The following PDCD11 variants were observed in gnomAD, a reference collection of about 807,000 sequenced individuals.
PDCD11 encodes protein RRP5 homolog.
PDCD11 carries 97 observed loss-of-function variants against 198.9 expected under a neutral mutation model. That is an observed-to-expected ratio of 0.49 (90% CI 0.41 to 0.58). The LOEUF is 0.58. Ranked by LOEUF, PDCD11 falls within the 20% of genes least tolerant of loss-of-function variation. PDCD11 has a pLI of 0.00. For missense variants in PDCD11, 2,102 were observed against 2,312.7 expected, an observed-to-expected ratio of 0.91 and a Z score of 1.87; for synonymous variants, 893 against 918.0, an observed-to-expected ratio of 0.97 and a Z score of 0.49.
At chr10:103,425,609 A>G (rs2031662052) in intron 20 of PDCD11, 84 bp downstream of exon 20, 5 of 1,184,248 alleles carry the variant, frequency 4.2e-6, no homozygotes, top group Non-Finnish European at 6.0e-6. Context: ...GGCTCCAAAA[A>G]GTTGCATGTA....
At chr10:103,402,051 A>G (rs1001130284) in intron 3 of PDCD11, among the ~76,000 whole-genome samples, 1 of 152,186 alleles carries the variant, frequency 6.6e-6, no homozygotes, top group African/African-American at 2.4e-5. Context: ...TGAAAACTAA[A>G]AATTTTTTTA....
At chr10:103,397,702 G>A (rs970805028) in intron 1 of PDCD11, among the ~76,000 whole-genome samples, 4 of 152,212 alleles carry the variant, frequency 2.6e-5, no homozygotes, top group African/African-American at 9.6e-5. Context: ...CCGAAGTGCT[G>A]GCATTACAGG....
chr10:103,414,030 A>T lies in PDCD11; in HGVS notation c.1250A>T (p.His417Leu). The change falls in exon 10 of 36, where the codon CAC becomes CTC. Residue 417 changes from histidine to leucine, a missense_variant. Physicochemically the swap from His to Leu is moderately conservative, Grantham distance 99 (BLOSUM62 -3). Transcript: ENST00000369797. ...NPEAFKPGNT[H>L]KCRIIDYSQM... ...GAGGCCTTCAAGCCAGGGAACACTC[A>T]CAAGTGTAGAATTATTGACTACAGC... The T allele has an allele frequency of 6.2e-7, 1 of 1,613,450 alleles. No homozygotes were observed. Among genetic ancestry groups the T allele is most frequent in the Non-Finnish European group, 8.5e-7 (1 of 1,179,666 alleles).
Position 103,416,520 on chromosome 10 carries a change from G to A in PDCD11, c.1548G>A (p.Lys516=). The stretch of plus-strand genomic sequence containing the variant: ...TGCTTTGTGACCCTGAAGCCAAGAA[G>A]CTGATGATGACCCTGAAAAAAACCC... The part of the protein sequence containing the change: ...RVLLCDPEAK[K]LMMTLKKTLI... Residue 516 remains lysine, a synonymous_variant, in exon 13 of 36, where the codon AAG becomes AAA. Coordinates refer to ENST00000369797, the MANE Select transcript of PDCD11 (RefSeq NM_014976.2). 2 of 1,614,122 alleles carry A rather than the reference G, an allele frequency of 1.2e-6. No homozygotes were observed. Among genetic ancestry groups the A allele is most frequent in the Non-Finnish European group, 1.7e-6 (2 of 1,180,020 alleles).
rs745331716 is a variant in PDCD11 at position 103,418,593 on chromosome 10, C to T, written c.2065C>T (p.Leu689Phe). 1.2e-6 allele frequency: 2 copies of T among 1,614,080 alleles called. No individual in the cohort carries two copies. The highest frequency in any genetic ancestry group is 2.7e-5 in the African/African-American group (2 of 74,916). Residue 689 changes from leucine (L) to phenylalanine (F), a missense_variant, in exon 15 of 36, where the codon CTT becomes TTT. Leu to Phe is a conservative substitution (Grantham distance 22, BLOSUM62 0). Transcript: ENST00000369797. ...LHHWLQAGDI[L>F]HRVLCLSQSE... ...TCATTGGCTCCAGGCAGGTGACATC[C>T]TTCACCGAGTCCTGTGTCTGAGCCA... is the stretch of plus-strand genomic sequence containing the variant.
chr10:103,415,830 C>T lies in PDCD11; in HGVS notation c.1519-661C>T, dbSNP rs955525142. ...CTGCCAAAACATGGGTGATTTATGA[C>T]AAAGGCTCGAATCCGAAGGAAAGCT... On this transcript the variant is annotated intron_variant, in intron 12 of 35. Transcript: ENST00000369797. Among the ~76,000 whole-genome samples the T allele has an allele frequency of 2.0e-5, 3 of 152,190 alleles. 1 individual carries two copies. In the South Asian group the frequency reaches 6.2e-4, roughly 31 times the overall value.
chr10:103,399,632 A>C (rs2093453924), intron 2 of PDCD11: 1 of 152,114 alleles, frequency 6.6e-6, no homozygotes, highest in African/African-American at 2.4e-5. Flanking sequence ...CTAACATTTG[A>C]GTGTGTGGCT....
rs761826495 is a variant in PDCD11 at position 103,406,595 on chromosome 10, G to T, written c.689-14G>T. ...ATACATTTTTCCTTTTGGGGCCTGG[G>T]TCTGGGCTTACAGGTGCTAAACTAA... On this transcript the variant is annotated splice_polypyrimidine_tract_variant and intron_variant, in intron 6 of 35. Coordinates refer to ENST00000369797, the MANE Select transcript of PDCD11 (RefSeq NM_014976.2). 3.7e-6 allele frequency: 6 copies of T among 1,612,112 alleles called. No homozygotes were observed. Among genetic ancestry groups the T allele is most frequent in the Middle Eastern group, 1.7e-4 (1 of 5,954 alleles).
At chr10:103,411,224 A>G (rs1326768912) in intron 8 of PDCD11, among the ~76,000 whole-genome samples, 1 of 152,154 alleles carries the variant, frequency 6.6e-6, no homozygotes, top group African/African-American at 2.4e-5. Flanking sequence ...CTCCGCTCGT[A>G]TTTAAATATT....
At position 103,439,750 on chromosome 10, in the gene PDCD11, G is replaced by A; in HGVS notation, c.4030G>A (p.Gly1344Ser). 6.2e-7 allele frequency: 1 copy of A among 1,614,038 alleles called. No homozygotes were observed. The highest frequency in any genetic ancestry group is 1.3e-5 in the African/African-American group (1 of 74,996). The change falls in exon 28 of 36, where the codon GGC (glycine) becomes AGC (serine). Residue 1344 changes from glycine (G) to serine (S), a missense_variant. By Grantham distance (56) the Gly-to-Ser change is moderately conservative. Coordinates refer to ENST00000369797, the MANE Select transcript of PDCD11 (RefSeq NM_014976.2). Reference protein sequence around the residue: ...IQPHGVFFRLGPSVVGLARYS... With the variant: ...IQPHGVFFRLSPSVVGLARYS... ...CTCTTGCCTCTCTCCTTTCAGCCTT[G>A]GCCCCTCCGTTGTGGGTTTGGCTCG...
chr10:103,398,090 T>C (rs1332867944), intron 1 of PDCD11, among the ~76,000 whole-genome samples: 1 of 152,254 alleles, frequency 6.6e-6, no homozygotes, highest in African/African-American at 2.4e-5. Flanking sequence ...GTGTGCATGT[T>C]CTTTGAAGGC....
In PDCD11 at chr10:103,438,697, A is replaced by T; in HGVS notation, c.3914A>T (p.Glu1305Val). The T allele has an allele frequency of 6.2e-7, 1 of 1,614,202 alleles. No individual in the cohort carries two copies. Among genetic ancestry groups the T allele is most frequent in the East Asian group, 2.2e-5 (1 of 44,882 alleles). The change falls in exon 27 of 36, where the codon GAG becomes GTG. Residue 1305 changes from glutamate (E) to valine (V), a missense_variant. Coordinates refer to ENST00000369797, the MANE Select transcript of PDCD11 (RefSeq NM_014976.2). ...LSLRSSRTNP[E>V]TKSKVEDPEI... ...TTTTATTCCTTTAGAACAAACCCGG[A>T]GACGAAAAGCAAAGTAGAAGATCCA... is the stretch of plus-strand genomic sequence containing the variant.
chr10:103,433,879 A>AG, intron 22 of PDCD11, 69 bp from the exon 23 acceptor site: 1 of 1,238,746 alleles, frequency 8.1e-7, no homozygotes, highest in Non-Finnish European at 1.2e-6. Context: ...TTGTGGTTTT[A>AG]GGAAAGTTTT....
chr10:103,427,989 G>A (rs11191686), intron 21 of PDCD11, among the ~76,000 whole-genome samples: 44,688 of 152,000 alleles, frequency 0.29, 7,773 homozygotes, highest in South Asian at 0.49. Context: ...AATGCACCTA[G>A]AGATTTACAG....
chr10:103,412,897 C>G (rs2030885309), intron 8 of PDCD11, among the ~76,000 whole-genome samples: 1 of 152,228 alleles, frequency 6.6e-6, no homozygotes, highest in Non-Finnish European at 1.5e-5. Context: ...CCATACCTGG[C>G]TTGAGTAAGC....
In PDCD11 at chr10:103,421,495, A is replaced by G; in HGVS notation, c.2425A>G (p.Ile809Val). Residue 809 changes from isoleucine to valine, a missense_variant, in exon 17 of 36, where the codon ATC (isoleucine) becomes GTC (valine). Ile to Val is a conservative substitution (Grantham distance 29, BLOSUM62 3). Coordinates refer to ENST00000369797, the MANE Select transcript of PDCD11 (RefSeq NM_014976.2). ...LSDCGLGDLA[I>V]TSLLLLNQCL... ...GGACTGTGGTCTGGGGGACTTGGCT[A>G]TCACCAGCCTCCTCCTCCTGAATCA... 3 of 1,594,316 alleles carry G rather than the reference A, an allele frequency of 1.9e-6. No homozygotes were observed. Among genetic ancestry groups the G allele is most frequent in the Non-Finnish European group, 2.6e-6 (3 of 1,170,154 alleles).
At chr10:103,430,965 A>G (rs2031908831) in intron 21 of PDCD11, among the ~76,000 whole-genome samples, 1 of 151,780 alleles carries the variant, frequency 6.6e-6, no homozygotes, top group South Asian at 2.1e-4. Flanking sequence ...CGCCCAGCTA[A>G]TTTTTTGTAT....
chr10:103,420,257 C>T (rs2031349172), intron 16 of PDCD11, among the ~76,000 whole-genome samples: 1 of 152,090 alleles, frequency 6.6e-6, no homozygotes, highest in African/African-American at 2.4e-5. Context: ...TCCCACTCCA[C>T]ACTACACATT....
At chr10:103,406,181 T>G in intron 6 of PDCD11, 73 bp downstream of exon 6, 1 of 1,544,962 alleles carries the variant, frequency 6.5e-7, no homozygotes, top group Non-Finnish European at 8.9e-7. Context: ...AGTGCCATTT[T>G]GATGAGTAAC....
Sources: gnomAD v4.1 joint callset for allele counts (sites outside exome capture counted in the v4.1 genomes callset) on GRCh38, gnomAD v4.1.1 for gene constraint, MANE v1.5 for transcripts, NCBI Gene and HGNC (gene_info 2026-07-23, HGNC 2026-07-21) for gene names.